The following RMND1 variants were observed in gnomAD, a reference collection of about 807,000 sequenced individuals.
RMND1 encodes required for meiotic nuclear division 1 homolog.
Under a neutral mutation model 54.0 loss-of-function variants are expected in RMND1, and 41 were observed. That is an observed-to-expected ratio of 0.76 (90% CI 0.59 to 0.98). The LOEUF (loss-of-function observed/expected upper bound fraction) is 0.98. Ranked by LOEUF, RMND1 falls within the 50% of genes least tolerant of loss-of-function variation. RMND1 has a pLI of 0.00. For synonymous variants in RMND1, 183 were observed against 181.7 expected, an observed-to-expected ratio of 1.01 and a Z score of -0.06; for missense variants, 457 against 532.0, an observed-to-expected ratio of 0.86 and a Z score of 1.39.
intron 10 of RMND1, among the ~76,000 whole-genome samples, chr6:151,413,493 G>A (rs923995998): frequency 2.0e-5 from 3 of 152,170 alleles, no homozygotes; most frequent in Admixed American, 6.5e-5. Context: ...GCCTGCCTTG[G>A]CCTACCAAAG....
chr6:151,446,715 G>T (rs1237251918), intron 1 of RMND1, among the ~76,000 whole-genome samples: 1 of 152,040 alleles, frequency 6.6e-6, no homozygotes, highest in Admixed American at 6.6e-5. Context: ...AACCAGCCTG[G>T]CCAACATGGC....
chr6:151,449,516 C>CTCT (rs1034225368), intron 1 of RMND1, among the ~76,000 whole-genome samples: 96 of 152,276 alleles, frequency 6.3e-4, no homozygotes, highest in African/African-American at 2.2e-3. Flanking sequence ...GTTCCTTACG[C>CTCT]TCTTCTCCCA....
rs192023201 is a variant in RMND1 at position 151,440,986 on chromosome 6, T to C, written c.504+4322A>G. Among the ~76,000 whole-genome samples, 101 of 151,912 alleles carry C rather than the reference T, an allele frequency of 6.6e-4. No homozygotes were observed. In the Middle Eastern group the frequency reaches 0.014, roughly 20 times the overall value. On this transcript the variant is annotated intron_variant, in intron 2 of 11. Coordinates refer to ENST00000444024, the MANE Select transcript of RMND1 (RefSeq NM_017909.4). The stretch of plus-strand genomic sequence containing the variant: ...TGGGGATCTACACCTTCCTGTTAAA[T>C]AGATGTGTCAAACCAACCGATAATA...
chr6:151,446,036 T>C (rs1780943858), intron 1 of RMND1: 1 of 495,934 alleles, frequency 2.0e-6, no homozygotes. Flanking sequence ...TCCTGGAAGA[T>C]TACAAGATTA....
At chr6:151,448,743 T>A (rs1474215123) in intron 1 of RMND1, among the ~76,000 whole-genome samples, 1 of 152,166 alleles carries the variant, frequency 6.6e-6, no homozygotes, top group Non-Finnish European at 1.5e-5. Flanking sequence ...TCCTTTGAAG[T>A]TGAATCTCAA....
chr6:151,427,086 G>T (rs7761582), intron 6 of RMND1, among the ~76,000 whole-genome samples: 152,086 of 152,088 alleles, frequency 1, 76,042 homozygotes, highest in Middle Eastern at 1. Context: ...TTTCTTAAAA[G>T]TAAGTTTCCA....
At chr6:151,425,413 A>G (rs184112481) in intron 6 of RMND1, among the ~76,000 whole-genome samples, 1 of 151,148 alleles carries the variant, frequency 6.6e-6, no homozygotes, top group East Asian at 2.0e-4. Flanking sequence ...CTCCTCACAG[A>G]CTGTACAGTA....
intron 11 of RMND1, 138 bp from the exon 12 acceptor site, chr6:151,405,405 A>C (rs573669403): frequency 2.6e-6 from 2 of 756,446 alleles, no homozygotes; most frequent in African/African-American, 1.8e-5. Flanking sequence ...GCAACCTATG[A>C]ATTGGAGGTA....
At chr6:151,436,005 T>C (rs1780593713) in intron 3 of RMND1, among the ~76,000 whole-genome samples, 1 of 151,232 alleles carries the variant, frequency 6.6e-6, no homozygotes. Context: ...CTCCGGAGGC[T>C]GAGGCAGGAA....
chr6:151,405,294 C>T, intron 11 of RMND1, 27 bp from the exon 12 acceptor site: 1 of 1,604,430 alleles, frequency 6.2e-7, no homozygotes, highest in African/African-American at 1.3e-5. Context: ...AGAATTATTT[C>T]ATGACGGGCA....
intron 1 of RMND1, among the ~76,000 whole-genome samples, chr6:151,446,519 C>T (rs113471267): frequency 6.6e-6 from 1 of 151,858 alleles, no homozygotes; most frequent in East Asian, 1.9e-4. Context: ...CATGGGAGTG[C>T]GAGGCATGTC....
chr6:151,432,640 G>A (rs918720418), intron 4 of RMND1, among the ~76,000 whole-genome samples: 3 of 152,120 alleles, frequency 2.0e-5, no homozygotes, highest in African/African-American at 7.2e-5. Context: ...TTCCCAGGCA[G>A]CTACTGTGGA....
intron 1 of RMND1, among the ~76,000 whole-genome samples, chr6:151,446,188 TGAGGCAGGTGGATCGCTTGAGTCCAA>T (rs1780947485): frequency 6.6e-6 from 1 of 152,160 alleles, no homozygotes; most frequent in Admixed American, 6.6e-5. Flanking sequence ...ACTGGGAGGC[TGAGGCAGGTGGATCGCTTGAGTCCAA>T]GAGTTCCAGA....
intron 6 of RMND1, among the ~76,000 whole-genome samples, chr6:151,426,396 C>G (rs1256967886): frequency 6.6e-6 from 1 of 152,186 alleles, no homozygotes; most frequent in African/African-American, 2.4e-5. Context: ...TCAGGAAAAT[C>G]AGCTAGTCTG....
At chr6:151,406,817 T>C (rs902885243) in intron 10 of RMND1, among the ~76,000 whole-genome samples, 14 of 152,140 alleles carry the variant, frequency 9.2e-5, no homozygotes, top group Admixed American at 2.6e-4. Flanking sequence ...CAGGGGTTGA[T>C]TGGAATGCGT....
chr6:151,445,826 C>G lies in RMND1; in HGVS notation c.-14-1G>C. The G allele has an allele frequency of 6.4e-7, 1 of 1,561,490 alleles. No homozygotes were observed. The highest frequency in any genetic ancestry group is 8.7e-7 in the Non-Finnish European group (1 of 1,156,030). ...GTGGCTGGCATTACCACATCCCAAGCTAAAAGAAAAGGAATTCAAAGTTCA... is the reference window on the plus strand; with the variant it reads ...GTGGCTGGCATTACCACATCCCAAGGTAAAAGAAAAGGAATTCAAAGTTCA... On this transcript the variant is annotated splice_acceptor_variant, in intron 1 of 11. Coordinates refer to ENST00000444024, the MANE Select transcript of RMND1 (RefSeq NM_017909.4). LOFTEE classifies it low-confidence loss of function (5UTR_SPLICE).
chr6:151,450,178 G>C (rs1203477076), intron 1 of RMND1, among the ~76,000 whole-genome samples: 1 of 148,902 alleles, frequency 6.7e-6, no homozygotes, highest in Non-Finnish European at 1.5e-5. Flanking sequence ...ACCTCTTCCC[G>C]GCCGCCATCC....
chr6:151,450,403 T>TGG (rs1409501441), intron 1 of RMND1, among the ~76,000 whole-genome samples: 51 of 122,736 alleles, frequency 4.2e-4, no homozygotes, highest in African/African-American at 1.2e-3. Flanking sequence ...GGGAGGGAGG[T>TGG]GGGGGTCAGC....
intron 10 of RMND1, among the ~76,000 whole-genome samples, chr6:151,409,727 C>G (rs1331180335): frequency 6.6e-6 from 1 of 152,100 alleles, no homozygotes; most frequent in African/African-American, 2.4e-5. Flanking sequence ...GTCTGGAAGG[C>G]AGACAAGAGA....
Sources: gnomAD v4.1 joint callset for allele counts (sites outside exome capture counted in the v4.1 genomes callset) on GRCh38, gnomAD v4.1.1 for gene constraint, MANE v1.5 for transcripts, NCBI Gene and HGNC (gene_info 2026-07-23, HGNC 2026-07-21) for gene names.